The following SYT16 variants were observed in gnomAD, a reference collection of about 807,000 sequenced individuals.
The protein encoded by SYT16 is synaptotagmin-16.
SYT16 carries 42 observed loss-of-function variants against 61.4 expected under a neutral mutation model. The ratio of observed to expected loss-of-function variants is 0.68; its 90% CI spans 0.53 to 0.89. The LOEUF (loss-of-function observed/expected upper bound fraction) is 0.89. SYT16 is among the 40% of genes least tolerant of loss of function. The pLI is 0.00. For missense variants in SYT16, 804 were observed against 807.3 expected (o/e 1.00, Z 0.05); for synonymous variants, 314 against 302.3 (o/e 1.04, Z -0.40).
At chr14:62,071,085 C>G (rs2056281712) in intron 4 of SYT16, among the ~76,000 whole-genome samples, 1 of 152,122 alleles carries the variant, frequency 6.6e-6, no homozygotes, top group African/African-American at 2.4e-5. Flanking sequence ...TATTGCCATT[C>G]TTTTTAGCTC....
intron 1 of SYT16, among the ~76,000 whole-genome samples, chr14:61,961,920 G>A (rs1331917730): frequency 6.6e-6 from 1 of 152,120 alleles, no homozygotes; most frequent in Non-Finnish European, 1.5e-5. Flanking sequence ...TATATGCTGT[G>A]GAATACTACA....
At chr14:62,099,431 T>C (rs1255525695) in intron 7 of SYT16, among the ~76,000 whole-genome samples, 3 of 152,094 alleles carry the variant, frequency 2.0e-5, no homozygotes, top group African/African-American at 7.2e-5. Flanking sequence ...TTGTGAAAAA[T>C]GAGGTCCTGA....
At position 62,084,357 on chromosome 14, in the gene SYT16, C is replaced by G. The variant is rs530525767; in HGVS notation, c.1596C>G (p.Phe532Leu). 3 of 1,612,714 alleles carry G rather than the reference C, an allele frequency of 1.9e-6. No individual in the cohort carries two copies. The East Asian group carries it at 6.7e-5, about 36-fold the overall frequency. ...LSVEMIKGSHFRNLAVNRAPD... is the reference protein window; with the variant it reads ...LSVEMIKGSHLRNLAVNRAPD... Reference sequence around the variant, plus strand: ...TGGAAATGATCAAAGGCAGCCATTTCCGAAACCTCGCTGTTAACCGAGCAC... The same window carrying G: ...TGGAAATGATCAAAGGCAGCCATTTGCGAAACCTCGCTGTTAACCGAGCAC... Residue 532 changes from phenylalanine to leucine, a missense_variant, in exon 7 of 8, where the codon TTC becomes TTG. Phe to Leu is a conservative substitution (Grantham distance 22). Coordinates refer to ENST00000683842, the MANE Select transcript of SYT16 (RefSeq NM_001367656.1).
At chr14:62,056,453 C>CTAAATT (rs1214962845) in intron 3 of SYT16, among the ~76,000 whole-genome samples, 1 of 152,156 alleles carries the variant, frequency 6.6e-6, no homozygotes, top group African/African-American at 2.4e-5. Flanking sequence ...AGCAAAAACC[C>CTAAATT]TAAATTTCTA....
intron 1 of SYT16, among the ~76,000 whole-genome samples, chr14:61,959,906 C>G (rs1463231566): frequency 6.6e-6 from 1 of 152,058 alleles, no homozygotes; most frequent in Non-Finnish European, 1.5e-5. Context: ...CATGGGTTCA[C>G]TGCAGCCTTG....
intron 3 of SYT16, among the ~76,000 whole-genome samples, chr14:62,055,927 C>T (rs1158460883): frequency 6.6e-6 from 1 of 152,026 alleles, no homozygotes; most frequent in Admixed American, 6.6e-5. Flanking sequence ...AGTCTGTGGT[C>T]GAAAGTCCAA....
At chr14:62,012,588 CAG>C in intron 3 of SYT16, among the ~76,000 whole-genome samples, 1 of 152,234 alleles carries the variant, frequency 6.6e-6, no homozygotes, top group African/African-American at 2.4e-5. Context: ...AAATGGGGCT[CAG>C]GGGGGACTAC....
chr14:61,889,129 C>G lies in SYT16; in HGVS notation c.-325+76319C>G, dbSNP rs190501353. On this transcript the variant is annotated intron_variant, in intron 1 of 7. Transcript: ENST00000683842. ...GTTGCAGGGACCACTGCCATAGGGT[C>G]TTGCAGTGGAGGAGAGAGCCTGGAC... 9.3e-4 allele frequency among the ~76,000 whole-genome samples: 141 copies of G among 152,288 alleles called. No individual in the cohort carries two copies. The South Asian group carries it at 0.011, about 12-fold the overall frequency.
In SYT16 at chr14:61,964,946, G is replaced by T. The variant is rs188948446; in HGVS notation, c.-324-5186G>T. Reference sequence around the variant, plus strand: ...TATTTTTAATTAAGGTATGCACATGGTTTTTTAAAGATATCCTGCTATTGC... The same window carrying T: ...TATTTTTAATTAAGGTATGCACATGTTTTTTTAAAGATATCCTGCTATTGC... On this transcript the variant is annotated intron_variant, in intron 1 of 7. Transcript: ENST00000683842. Among the ~76,000 whole-genome samples the T allele has an allele frequency of 7.9e-3, 1,201 of 151,880 alleles. 5 individuals are homozygous for T. The highest frequency in any genetic ancestry group is 0.017 in the Middle Eastern group (5 of 294).
intron 2 of SYT16, among the ~76,000 whole-genome samples, chr14:61,992,266 C>T (rs964734055): frequency 2.0e-4 from 30 of 151,964 alleles, no homozygotes; most frequent in African/African-American, 6.8e-4. Flanking sequence ...GCAAAACAAA[C>T]AGAAGTCAGG....
At chr14:61,925,198 T>C (rs1294670651) in intron 1 of SYT16, among the ~76,000 whole-genome samples, 3 of 152,232 alleles carry the variant, frequency 2.0e-5, no homozygotes, top group Non-Finnish European at 4.4e-5. Context: ...GACGGTAAGA[T>C]GCTCTTCGAT....
At chr14:62,007,603 T>A (rs2053274682) in intron 3 of SYT16, among the ~76,000 whole-genome samples, 1 of 152,140 alleles carries the variant, frequency 6.6e-6, no homozygotes, top group Non-Finnish European at 1.5e-5. Context: ...TTTGTGTCAT[T>A]TTTGGAGGAA....
chr14:62,100,379 T>C lies in SYT16; in HGVS notation c.1625-15T>C. 1 of 1,559,058 alleles carries C rather than the reference T, an allele frequency of 6.4e-7. No individual in the cohort carries two copies. Among genetic ancestry groups the C allele is most frequent in the Middle Eastern group, 1.7e-4 (1 of 5,848 alleles). On this transcript the variant is annotated splice_polypyrimidine_tract_variant and intron_variant, in intron 7 of 7. Transcript: ENST00000683842. ...TTCTTATCATCCCCACCCCACCCTTTTTTTTTTGTCTTAGATACATATGGA... is the reference window on the plus strand; with the variant it reads ...TTCTTATCATCCCCACCCCACCCTTCTTTTTTTGTCTTAGATACATATGGA...
chr14:61,948,984 C>A (rs1221327692), intron 1 of SYT16, among the ~76,000 whole-genome samples: 3 of 152,106 alleles, frequency 2.0e-5, no homozygotes, highest in Non-Finnish European at 2.9e-5. Context: ...GTGAGAGAGA[C>A]CTTAGGAGGA....
At chr14:61,911,725 G>A (rs2048942985) in intron 1 of SYT16, among the ~76,000 whole-genome samples, 2 of 152,240 alleles carry the variant, frequency 1.3e-5, no homozygotes, top group East Asian at 3.9e-4. Flanking sequence ...AAGGAAGTGG[G>A]GCTCTCTGAG....
At chr14:61,846,499 A>G (rs2046450281) in intron 1 of SYT16, among the ~76,000 whole-genome samples, 1 of 152,092 alleles carries the variant, frequency 6.6e-6, no homozygotes, top group African/African-American at 2.4e-5. Flanking sequence ...TTCAGTTTTC[A>G]TTGGCATGGA....
At chr14:62,045,326 C>T (rs1466220815) in intron 3 of SYT16, among the ~76,000 whole-genome samples, 2 of 151,950 alleles carry the variant, frequency 1.3e-5, no homozygotes, top group Non-Finnish European at 2.9e-5. Context: ...GAGCAGTCAC[C>T]TAGTCTTTGA....
At chr14:62,099,508 A>T (rs1162250051) in intron 7 of SYT16, among the ~76,000 whole-genome samples, 1 of 152,178 alleles carries the variant, frequency 6.6e-6, no homozygotes, top group African/African-American at 2.4e-5. Context: ...TGGAACAGCA[A>T]ATGTTTAGAG....
intron 4 of SYT16, among the ~76,000 whole-genome samples, chr14:62,074,408 T>C (rs2056408145): frequency 6.6e-6 from 1 of 152,092 alleles, no homozygotes; most frequent in African/African-American, 2.4e-5. Flanking sequence ...GAATGAGACA[T>C]GGTCACTTGG....
Sources: allele counts gnomAD v4.1 joint callset (sites outside exome capture counted in the v4.1 genomes callset), GRCh38; gene constraint gnomAD v4.1.1; transcripts MANE v1.5; gene names NCBI Gene and HGNC (gene_info 2026-07-23, HGNC 2026-07-21).